SVIL: variants seen among roughly 807,000 people sequenced by gnomAD.
SVIL encodes the protein archvillin.
A neutral mutation model predicts 240.4 loss-of-function variants in SVIL; 101 were observed. The observed-to-expected ratio is 0.42, with a 90% CI of 0.36 to 0.50. The LOEUF (loss-of-function observed/expected upper bound fraction) is 0.50. Ranked by LOEUF, SVIL falls within the 20% of genes least tolerant of loss-of-function variation. The pLI is 0.01. For missense variants in SVIL, 2,512 were observed against 2,818.7 expected (o/e 0.89, Z 2.46); for synonymous variants, 999 against 1,100.0 (o/e 0.91, Z 1.82).
At chr10:29,685,861 C>T (rs1244184749) in intron 2 of SVIL, among the ~76,000 whole-genome samples, 1 of 152,098 alleles carries the variant, frequency 6.6e-6, no homozygotes, top group Non-Finnish European at 1.5e-5. Context: ...AGAGGATGTT[C>T]CATTCAGTCA....
intron 1 of SVIL, among the ~76,000 whole-genome samples, chr10:29,598,225 A>G (rs1956671830): frequency 6.6e-6 from 1 of 152,138 alleles, no homozygotes; most frequent in African/African-American, 2.4e-5. Flanking sequence ...GGCTGGGGGA[A>G]TGGGAAGTTT....
At chr10:29,644,227 C>T (rs1958583539) in intron 3 of SVIL, among the ~76,000 whole-genome samples, 1 of 152,158 alleles carries the variant, frequency 6.6e-6, no homozygotes, top group South Asian at 2.1e-4. Context: ...TTGTTGACAT[C>T]ACAAAGCTCA....
intron 12 of SVIL, among the ~76,000 whole-genome samples, chr10:29,527,900 G>A (rs1951051084): frequency 6.7e-6 from 1 of 149,900 alleles, no homozygotes; most frequent in African/African-American, 2.5e-5. Flanking sequence ...CAATATTTTT[G>A]TATTTTTTAG....
chr10:29,462,380 G>A lies in SVIL; in HGVS notation c.6299C>T (p.Ala2100Val). 6.2e-7 allele frequency: 1 copy of A among 1,614,126 alleles called. No individual in the cohort carries two copies. The highest frequency in any genetic ancestry group is 8.5e-7 in the Non-Finnish European group (1 of 1,180,010). Residue 2100 changes from alanine to valine, a missense_variant, in exon 36 of 38, where the codon GCC (alanine) becomes GTC (valine). Coordinates refer to ENST00000355867, the MANE Select transcript of SVIL (RefSeq NM_021738.3). ...YCKGKNLKKP[A>V]PKSYLIHAGL... ...AGCGTGGATAAGGTAAGACTTGGGGGCTGGTTTCTTGAGATTTTTTCCTGT... is the reference window on the plus strand; with the variant it reads ...AGCGTGGATAAGGTAAGACTTGGGGACTGGTTTCTTGAGATTTTTTCCTGT...
chr10:29,729,241 A>G (rs1316141159), intron 1 of SVIL, among the ~76,000 whole-genome samples: 1 of 152,170 alleles, frequency 6.6e-6, no homozygotes, highest in Non-Finnish European at 1.5e-5. Context: ...TCATTTTCCA[A>G]CAGTACCCCT....
chr10:29,589,351 C>T (rs1956297153), intron 1 of SVIL, among the ~76,000 whole-genome samples: 1 of 152,182 alleles, frequency 6.6e-6, no homozygotes, highest in Admixed American at 6.5e-5. Context: ...AGCTGGCCAA[C>T]AGTGTGGTGG....
At chr10:29,688,040 T>A (rs1376850299) in intron 1 of SVIL, among the ~76,000 whole-genome samples, 4 of 152,118 alleles carry the variant, frequency 2.6e-5, no homozygotes, top group African/African-American at 9.7e-5. Context: ...AATGACACTT[T>A]CCCCGGTAGA....
intron 2 of SVIL, among the ~76,000 whole-genome samples, chr10:29,680,675 T>C (rs531411026): frequency 1.3e-5 from 2 of 152,258 alleles, no homozygotes; most frequent in East Asian, 1.9e-4. Flanking sequence ...TCCCAGCACT[T>C]TGGGAGGCCG....
chr10:29,580,270 C>T (rs761088638), intron 1 of SVIL, among the ~76,000 whole-genome samples: 2 of 152,100 alleles, frequency 1.3e-5, no homozygotes, highest in Non-Finnish European at 2.9e-5. Flanking sequence ...AGCGTTTGAA[C>T]CCTGGAGGCC....
intron 32 of SVIL, among the ~76,000 whole-genome samples, chr10:29,469,759 A>C (rs2132304333): frequency 6.6e-6 from 1 of 152,262 alleles, no homozygotes; most frequent in Non-Finnish European, 1.5e-5. Context: ...CCCAACCCGG[A>C]AGTGCTGTAC....
At chr10:29,706,996 A>G (rs924307001) in intron 1 of SVIL, among the ~76,000 whole-genome samples, 1 of 152,058 alleles carries the variant, frequency 6.6e-6, no homozygotes, top group African/African-American at 2.4e-5. Context: ...CCATTGGTTT[A>G]TATGTCTGCT....
intron 1 of SVIL, among the ~76,000 whole-genome samples, chr10:29,724,575 AT>A (rs1447952309): frequency 6.6e-6 from 1 of 152,180 alleles, no homozygotes; most frequent in Admixed American, 6.5e-5. Context: ...ATGAAAAAAA[AT>A]ATATAAATCC....
At chr10:29,512,516 T>C (rs974060144) in intron 17 of SVIL, among the ~76,000 whole-genome samples, 1 of 152,174 alleles carries the variant, frequency 6.6e-6, no homozygotes, top group Non-Finnish European at 1.5e-5. Context: ...CTTGCTGACA[T>C]AGTGTGTGTG....
At chr10:29,723,096 G>A (rs1344539787) in intron 1 of SVIL, among the ~76,000 whole-genome samples, 3 of 152,226 alleles carry the variant, frequency 2.0e-5, no homozygotes, top group East Asian at 1.9e-4. Context: ...AAATGTAGGC[G>A]TGGTGGCTCA....
intron 1 of SVIL, among the ~76,000 whole-genome samples, chr10:29,581,619 T>G (rs2132765080): frequency 6.6e-6 from 1 of 152,336 alleles, no homozygotes; most frequent in East Asian, 1.9e-4. Flanking sequence ...AAGAAAAGGC[T>G]TATTGCAATC....
At chr10:29,540,025 C>T (rs763055154) in intron 6 of SVIL, among the ~76,000 whole-genome samples, 4 of 152,144 alleles carry the variant, frequency 2.6e-5, no homozygotes, top group Non-Finnish European at 5.9e-5. Context: ...AAGCCACCAC[C>T]GCCTCTCACG....
chr10:29,724,566 T>C (rs774932775), intron 1 of SVIL, among the ~76,000 whole-genome samples: 1 of 151,952 alleles, frequency 6.6e-6, no homozygotes, highest in Non-Finnish European at 1.5e-5. Flanking sequence ...GGGGTCAGAA[T>C]GAAAAAAAAT....
At chr10:29,526,376 C>T (rs1589117052) in intron 13 of SVIL, among the ~76,000 whole-genome samples, 1 of 138,348 alleles carries the variant, frequency 7.2e-6, no homozygotes, top group African/African-American at 2.7e-5. Context: ...ACGATCTTGA[C>T]TCACTGCAAC....
rs142595793 is a variant in SVIL at position 29,551,034 on chromosome 10, G to C, written c.390C>G (p.Ser130=). 4 of 1,613,962 alleles carry C rather than the reference G, an allele frequency of 2.5e-6. No homozygotes were observed. In the African/African-American group the frequency reaches 5.3e-5, roughly 22 times the overall value. ...ACTTGGTATAGCGGGATAAATACTC[G>C]GAGTCGGCCTCGGGATCCAGAGTCA... ...YGLTLDPEAD[S]EYLSRYTKSR... Residue 130 remains serine, a synonymous_variant, in exon 6 of 38, where the codon TCC becomes TCG. Transcript: ENST00000355867.
Sources: gnomAD v4.1 joint callset for allele counts (sites outside exome capture counted in the v4.1 genomes callset) on GRCh38, gnomAD v4.1.1 for gene constraint, MANE v1.5 for transcripts, NCBI Gene and HGNC (gene_info 2026-07-23, HGNC 2026-07-21) for gene names.